The following MALRD1 variants were observed in gnomAD, a reference collection of about 807,000 sequenced individuals.
MALRD1 encodes MAM and LDL receptor class A domain containing 1.
In MALRD1, 247 loss-of-function variants were observed where a neutral mutation model predicts 242.1. The observed-to-expected ratio is 1.02, with a 90% CI of 0.92 to 1.13. MALRD1 has a LOEUF of 1.13. Among genes scored for constraint, MALRD1 ranks in the 50% most tolerant of loss-of-function variants. The probability of loss-of-function intolerance (pLI) is 0.00; values close to 1 mark genes in which losing one functional copy is unlikely to be tolerated. For missense variants in MALRD1, 2,989 were observed against 2,533.1 expected (o/e 1.18, Z -3.86); for synonymous variants, 995 against 866.6 (o/e 1.15, Z -2.60).
chr10:19,055,522 A>T (rs750619137), intron 1 of MALRD1, among the ~76,000 whole-genome samples: 1 of 152,116 alleles, frequency 6.6e-6, no homozygotes, highest in East Asian at 1.9e-4. Context: ...TACAGGTAGA[A>T]GTTTTATAGT....
intron 38 of MALRD1, among the ~76,000 whole-genome samples, chr10:19,706,508 G>T (rs999771695): frequency 6.6e-6 from 1 of 151,816 alleles, no homozygotes; most frequent in African/African-American, 2.4e-5. Context: ...CTGCCACCAC[G>T]CCTGGCTAAT....
intron 19 of MALRD1, among the ~76,000 whole-genome samples, chr10:19,269,988 T>C (rs1840137080): frequency 6.6e-6 from 1 of 152,204 alleles, no homozygotes; most frequent in African/African-American, 2.4e-5. Context: ...TATTCTCTAG[T>C]TAAGTTGAAA....
intron 28 of MALRD1, among the ~76,000 whole-genome samples, chr10:19,410,827 G>T (rs1051504959): frequency 6.6e-6 from 1 of 152,054 alleles, no homozygotes; most frequent in Non-Finnish European, 1.5e-5. Context: ...AGAATATACA[G>T]ATTTAGACAT....
At chr10:19,725,468 C>G (rs1411194046) in intron 38 of MALRD1, among the ~76,000 whole-genome samples, 1 of 152,158 alleles carries the variant, frequency 6.6e-6, no homozygotes, top group Non-Finnish European at 1.5e-5. Context: ...TCAATTAAAC[C>G]TCTTTCCTTT....
chr10:19,668,107 T>C (rs1841757119), intron 36 of MALRD1, among the ~76,000 whole-genome samples: 1 of 152,144 alleles, frequency 6.6e-6, no homozygotes, highest in Admixed American at 6.6e-5. Flanking sequence ...TATCATCCAA[T>C]TGGTAATTAG....
At chr10:19,733,013 T>G (rs1042931112) in intron 39 of MALRD1, among the ~76,000 whole-genome samples, 4 of 152,238 alleles carry the variant, frequency 2.6e-5, no homozygotes, top group Non-Finnish European at 4.4e-5. Context: ...TGTGGCTATT[T>G]TGATTTCTAT....
At chr10:19,287,626 C>T (rs1160937295) in intron 21 of MALRD1, among the ~76,000 whole-genome samples, 1 of 151,972 alleles carries the variant, frequency 6.6e-6, no homozygotes, top group African/African-American at 2.4e-5. Flanking sequence ...TTCCCACACA[C>T]CAAGTAGGGA....
intron 13 of MALRD1, 134 bp from the exon 14 acceptor site, chr10:19,175,074 G>T: frequency 1.9e-6 from 1 of 539,374 alleles, no homozygotes; most frequent in Non-Finnish European, 2.7e-6. Context: ...GGATGTTCTG[G>T]TCAGAACAGT....
intron 2 of MALRD1, among the ~76,000 whole-genome samples, chr10:19,074,682 G>A (rs1835262735): frequency 1.3e-5 from 2 of 151,990 alleles, no homozygotes; most frequent in Admixed American, 1.3e-4. Flanking sequence ...TTAGAGTATT[G>A]ATGAGAGCTA....
At chr10:19,621,815 A>T (rs969004796) in intron 36 of MALRD1, among the ~76,000 whole-genome samples, 2 of 151,922 alleles carry the variant, frequency 1.3e-5, no homozygotes, top group African/African-American at 2.4e-5. Flanking sequence ...ACGGAAAAAA[A>T]TTTTTCATGG....
At chr10:19,091,969 T>A (rs1327288710) in intron 4 of MALRD1, among the ~76,000 whole-genome samples, 1 of 61,332 alleles carries the variant, frequency 1.6e-5, no homozygotes, top group African/African-American at 1.1e-4. Flanking sequence ...TTGTTATAAT[T>A]TCTGTTCTTT....
At chr10:19,693,855 A>G (rs946322588) in intron 38 of MALRD1, among the ~76,000 whole-genome samples, 2 of 152,236 alleles carry the variant, frequency 1.3e-5, no homozygotes, top group Non-Finnish European at 2.9e-5. Context: ...CCAAAACAGC[A>G]TGGTACTGGT....
intron 14 of MALRD1, among the ~76,000 whole-genome samples, chr10:19,177,392 A>G (rs562701692): frequency 3.3e-5 from 5 of 152,278 alleles, no homozygotes; most frequent in Non-Finnish European, 7.4e-5. Context: ...CACCGGAATC[A>G]TAATAGCTGA....
At chr10:19,378,421 T>C (rs1482858995) in intron 26 of MALRD1, among the ~76,000 whole-genome samples, 3 of 152,144 alleles carry the variant, frequency 2.0e-5, no homozygotes, top group Admixed American at 2.0e-4. Context: ...TCAGCATCTT[T>C]TTGGTGGCCA....
At chr10:19,294,991 C>T (rs1045512509) in intron 21 of MALRD1, among the ~76,000 whole-genome samples, 12 of 152,024 alleles carry the variant, frequency 7.9e-5, no homozygotes, top group Non-Finnish European at 1.6e-4. Context: ...AATCTGTAAT[C>T]ATCTATTTAT....
chr10:19,255,294 G>A (rs373312257), intron 18 of MALRD1, among the ~76,000 whole-genome samples: 15 of 151,824 alleles, frequency 9.9e-5, no homozygotes, highest in African/African-American at 3.4e-4. Context: ...CCTAATTTCC[G>A]GAATCAATAC....
At position 19,124,582 on chromosome 10, in the gene MALRD1, T is replaced by C. The variant is rs1303897733; in HGVS notation, c.855T>C (p.Ala285=). The C allele has an allele frequency of 8.1e-7, 1 of 1,233,924 alleles. No homozygotes were observed. Among genetic ancestry groups the C allele is most frequent in the Non-Finnish European group, 1.0e-6 (1 of 988,132 alleles). The allele number at this position is 1,233,924 out of a possible 1,614,324, so 76.4% of individuals were successfully genotyped here. ...GTGAGTGGACGTCAGAAGCATCTGC[T>C]GGCCAAATTTCCTGGATGCGCACAA... The part of the protein sequence containing the change: ...DMCEWTSEAS[A]GQISWMRTKA... The change falls in exon 7 of 40, where the codon GCT becomes GCC. Residue 285 remains alanine, a synonymous_variant. Transcript: ENST00000454679.
At chr10:19,404,044 A>C (rs1415874700) in intron 28 of MALRD1, among the ~76,000 whole-genome samples, 1 of 152,146 alleles carries the variant, frequency 6.6e-6, no homozygotes, top group African/African-American at 2.4e-5. Context: ...GTTTTTAAAA[A>C]ATGTCTAAGC....
chr10:19,475,017 T>C (rs1836664222), intron 29 of MALRD1, among the ~76,000 whole-genome samples: 1 of 152,258 alleles, frequency 6.6e-6, no homozygotes, highest in Non-Finnish European at 1.5e-5. Context: ...TATCCCTATT[T>C]ATCACATGAG....
Sources: allele counts gnomAD v4.1 joint callset (sites outside exome capture counted in the v4.1 genomes callset), GRCh38; gene constraint gnomAD v4.1.1; transcripts MANE v1.5; gene names NCBI Gene and HGNC (gene_info 2026-07-23, HGNC 2026-07-21).